PPL: variants seen among roughly 807,000 people sequenced by gnomAD.
The protein encoded by PPL is periplakin, also known as 190 kDa paraneoplastic pemphigus antigen.
Under a neutral mutation model 194.4 loss-of-function variants are expected in PPL, and 198 were observed. The ratio of observed to expected loss-of-function variants is 1.02; its 90% confidence interval spans 0.91 to 1.15. PPL has a LOEUF of 1.15. PPL is among the 50% of genes most tolerant of loss of function. The probability of loss-of-function intolerance (pLI) is 0.00; values close to 1 mark genes in which losing one functional copy is unlikely to be tolerated. For synonymous variants in PPL, 1,220 were observed against 972.4 expected, an observed-to-expected ratio of 1.25 and a Z score of -4.74; for missense variants, 2,885 against 2,294.8, an observed-to-expected ratio of 1.26 and a Z score of -5.25.
In PPL at chr16:4,899,224, T is replaced by C; in HGVS notation, c.767A>G (p.Glu256Gly). The change falls in exon 7 of 22, where the codon GAG becomes GGG. Residue 256 changes from glutamate (E) to glycine (G), a missense_variant and splice_region_variant. Transcript: ENST00000345988. ...LDYPSRRRQY[E>G]NFINRNLEAK... ...ATGCCCCAGGCCCCCAGAACCCACC[T>C]CATACTGGCGCCGGCGGCTGGGGTA... The C allele has an allele frequency of 6.2e-7, 1 of 1,613,838 alleles. No homozygotes were observed. The highest frequency in any genetic ancestry group is 8.5e-7 in the Non-Finnish European group (1 of 1,179,922).
At chr16:4,900,003 T>C (rs369074376) in intron 6 of PPL, among the ~76,000 whole-genome samples, 5 of 152,054 alleles carry the variant, frequency 3.3e-5, no homozygotes, top group South Asian at 2.1e-4. Context: ...GACAGGAACA[T>C]GTAGGAGCTC....
At chr16:4,920,312 A>T (rs1333005493) in intron 1 of PPL, among the ~76,000 whole-genome samples, 1 of 121,972 alleles carries the variant, frequency 8.2e-6, no homozygotes, top group African/African-American at 2.7e-5. Context: ...GAAGGAAAGA[A>T]GGAAAGAAAA....
In PPL at chr16:4,888,151, A is replaced by C; in HGVS notation, c.2465T>G (p.Val822Gly). 1 of 1,614,054 alleles carries C rather than the reference A, an allele frequency of 6.2e-7. No homozygotes were observed. Among genetic ancestry groups the C allele is most frequent in the Admixed American group, 1.7e-5 (1 of 60,028 alleles). ...AGATTGGAGCCTGGCTCTCTTGCTCACGTGGCTTCTCCTTCCATTCTCCAA... is the reference window on the plus strand; with the variant it reads ...AGATTGGAGCCTGGCTCTCTTGCTCCCGTGGCTTCTCCTTCCATTCTCCAA... The part of the protein sequence containing the change: ...LDLENGRRSH[V>G]SKRARLQSPA... Residue 822 changes from valine to glycine, a missense_variant, in exon 20 of 22, where the codon GTG becomes GGG. Coordinates refer to ENST00000345988, the MANE Select transcript of PPL (RefSeq NM_002705.5).
At position 4,888,972 on chromosome 16, in the gene PPL, G is replaced by A. The variant is rs551161390; in HGVS notation, c.2397+6C>T. On this transcript the variant is annotated splice_donor_region_variant and intron_variant, in intron 19 of 21. Transcript: ENST00000345988. ...TTGTGCTTTGGGCGGAAGTTTCCCG[G>A]CTCACCTTTACAGCTTGCTGGTACT... 1.4e-5 allele frequency: 23 copies of A among 1,612,514 alleles called. No homozygotes were observed. In the East Asian group the frequency reaches 4.0e-4, roughly 28 times the overall value.
At chr16:4,891,059 C>G in intron 16 of PPL, 138 bp from the exon 17 acceptor site, 1 of 670,810 alleles carries the variant, frequency 1.5e-6, no homozygotes, top group Non-Finnish European at 2.4e-6. Context: ...GAGCCTTGCT[C>G]TGTACATCCC....
chr16:4,885,179 C>A lies in PPL; in HGVS notation c.3476G>T (p.Trp1159Leu), dbSNP rs1214994582. The A allele has an allele frequency of 1.9e-6, 3 of 1,614,130 alleles. No homozygotes were observed. The Admixed American group carries it at 5.0e-5, about 27-fold the overall frequency. ...TTTGGCGTTCTCCTCCTCCAAGGCC[C>A]ATATCTTTCGGAGCAGCTCCGTCTT... The part of the protein sequence containing the change: ...REKTELLRKI[W>L]ALEEENAKVV... Residue 1159 changes from tryptophan (W) to leucine (L), a missense_variant, in exon 22 of 22, where the codon TGG becomes TTG. Coordinates refer to ENST00000345988, the MANE Select transcript of PPL (RefSeq NM_002705.5). The surrounding 1 kb of genome is among the most constrained non-coding windows in gnomAD (Gnocchi z 6.3).
In PPL at chr16:4,884,309, A is replaced by G. The variant is rs1397217915; in HGVS notation, c.4346T>C (p.Leu1449Pro). 3 of 1,612,568 alleles carry G rather than the reference A, an allele frequency of 1.9e-6. No homozygotes were observed. Among genetic ancestry groups the G allele is most frequent in the African/African-American group, 2.7e-5 (2 of 74,814 alleles). Residue 1449 changes from leucine (L) to proline (P), a missense_variant, in exon 22 of 22, where the codon CTG becomes CCG. Physicochemically the swap from Leu to Pro is moderately conservative, Grantham distance 98. Coordinates refer to ENST00000345988, the MANE Select transcript of PPL (RefSeq NM_002705.5). The surrounding 1 kb of genome is among the most constrained non-coding windows in gnomAD (Gnocchi z 5.7). ...TCGCGCCTGCTGCGGGTCCTGCTGC[A>G]GCACCACCTTCTGCGTATGGGTTAC... is the stretch of plus-strand genomic sequence containing the variant. ...EKVTHTQKVV[L>P]QQDPQQAREH...
chr16:4,889,802 T>C (rs2088285911), intron 18 of PPL, among the ~76,000 whole-genome samples: 1 of 152,176 alleles, frequency 6.6e-6, no homozygotes, highest in South Asian at 2.1e-4. Context: ...AGCCATTGGC[T>C]TCCCGTGTTC....
intron 17 of PPL, 79 bp downstream of exon 17, chr16:4,890,649 C>T (rs1472812611): frequency 6.9e-7 from 1 of 1,459,766 alleles, no homozygotes; most frequent in Non-Finnish European, 9.2e-7. Context: ...ATCTGTGGGA[C>T]ACGGCTAAAG....
chr16:4,898,535 G>A (rs2088479083), intron 8 of PPL, among the ~76,000 whole-genome samples: 1 of 152,136 alleles, frequency 6.6e-6, no homozygotes. Flanking sequence ...AGAGAGACAT[G>A]GGGAGAGAAG....
Position 4,892,173 on chromosome 16 carries a change from GTCTTCTCAGGT to G in PPL, c.1680_1690del (p.Glu560AspfsTer6). The G allele has an allele frequency of 6.2e-7, 1 of 1,613,766 alleles. No homozygotes were observed. The highest frequency in any genetic ancestry group is 1.1e-5 in the South Asian group (1 of 91,086). On this transcript the variant is annotated frameshift_variant, in exon 15 of 22. Transcript: ENST00000345988. LOFTEE classifies it high-confidence loss of function. ...GGCTTCGCCCTCAGCCGTGCTCCGCGTCTTCTCAGGTTCAATCCGCAGTAGCTCGTTGGTGA... is the reference window on the plus strand; with the variant it reads ...GGCTTCGCCCTCAGCCGTGCTCCGCGTCAATCCGCAGTAGCTCGTTGGTGA...
At chr16:4,900,921 C>T in intron 5 of PPL, 43 bp downstream of exon 5, 1 of 1,614,000 alleles carries the variant, frequency 6.2e-7, no homozygotes, top group Non-Finnish European at 8.5e-7. Context: ...CAGGCGCGGC[C>T]CCCTCCATCC....
Position 4,886,198 on chromosome 16 carries a change from C to A in PPL, c.2608-151G>T, listed in dbSNP as rs1041314025. On this transcript the variant is annotated intron_variant, in intron 21 of 21. Transcript: ENST00000345988. ...AGTTGTAGAGTTCTAGGGTTACTTT[C>A]AAAAAGGATCAAACAACTAGTTTGG... 167 of 929,866 alleles carry A rather than the reference C, an allele frequency of 1.8e-4. 1 individual carries two copies. The South Asian group carries it at 2.7e-3, about 15-fold the overall frequency. 57.6% of individuals were successfully genotyped at this position (929,866 alleles called of 1,614,324 possible).
Position 4,910,830 on chromosome 16 carries a change from G to C in PPL, c.162+20C>G. Reference sequence around the variant, plus strand: ...GGCAGCACGGGGCACCCAGGTGGGAGTGGGAGTGGGGGCACTCACACTCTG... The same window carrying C: ...GGCAGCACGGGGCACCCAGGTGGGACTGGGAGTGGGGGCACTCACACTCTG... On this transcript the variant is annotated intron_variant, in intron 2 of 21. Transcript: ENST00000345988. The C allele has an allele frequency of 6.2e-7, 1 of 1,605,214 alleles. No individual in the cohort carries two copies. The highest frequency in any genetic ancestry group is 8.5e-7 in the Non-Finnish European group (1 of 1,172,168).
intron 1 of PPL, among the ~76,000 whole-genome samples, chr16:4,922,973 A>C (rs61041629): frequency 0.044 from 6,658 of 152,064 alleles, 507 homozygotes; most frequent in African/African-American, 0.15. Flanking sequence ...CCAGATGCCC[A>C]CTCCCTGGGC....
chr16:4,934,657 C>T (rs1220216969), intron 1 of PPL, among the ~76,000 whole-genome samples: 1 of 152,038 alleles, frequency 6.6e-6, no homozygotes, highest in Non-Finnish European at 1.5e-5. Context: ...GGAGCGGGCC[C>T]CTGGAAAACT....
intron 6 of PPL, among the ~76,000 whole-genome samples, chr16:4,899,897 G>C (rs1239121603): frequency 6.6e-6 from 1 of 152,212 alleles, no homozygotes; most frequent in African/African-American, 2.4e-5. Context: ...GTGTGCAAGG[G>C]AAAGGAGGGA....
intron 2 of PPL, among the ~76,000 whole-genome samples, chr16:4,910,029 C>G (rs1359015063): frequency 6.6e-6 from 1 of 152,126 alleles, no homozygotes; most frequent in African/African-American, 2.4e-5. Context: ...GGGTACAAAA[C>G]AGGCATCAAC....
chr16:4,888,305 G>C, intron 19 of PPL, 87 bp from the exon 20 acceptor site: 2 of 919,090 alleles, frequency 2.2e-6, no homozygotes, highest in South Asian at 1.4e-5. Flanking sequence ...GGCTGACCCA[G>C]ACCTGCCCTG....
Sources: gnomAD v4.1 joint callset for allele counts (sites outside exome capture counted in the v4.1 genomes callset) on GRCh38, gnomAD v4.1.1 for gene constraint, Gnocchi (gnomAD v3.1) non-coding constraint, MANE v1.5 for transcripts, NCBI Gene and HGNC (gene_info 2026-07-23, HGNC 2026-07-21) for gene names.